ALPK2: variants seen among roughly 807,000 people sequenced by gnomAD.
ALPK2 encodes alpha kinase 2.
A neutral mutation model predicts 163.1 loss-of-function variants in ALPK2; 127 were observed. That is an observed-to-expected ratio of 0.78 (90% CI 0.67 to 0.90). ALPK2 has a LOEUF of 0.90. ALPK2 is among the 40% of genes least tolerant of loss of function. The pLI is 0.00. For missense variants in ALPK2, 2,360 were observed against 2,589.6 expected (o/e 0.91, Z 1.92); for synonymous variants, 953 against 959.1 (o/e 0.99, Z 0.12).
intron 1 of ALPK2, among the ~76,000 whole-genome samples, chr18:58,620,188 G>A (rs1433068747): frequency 6.6e-6 from 1 of 152,200 alleles, no homozygotes; most frequent in Admixed American, 6.5e-5. Flanking sequence ...CTACTTGGGA[G>A]GCCGAGGTAA....
chr18:58,493,607 C>G (rs939794808), intron 12 of ALPK2, among the ~76,000 whole-genome samples: 1 of 152,068 alleles, frequency 6.6e-6, no homozygotes, highest in Non-Finnish European at 1.5e-5. Flanking sequence ...TGGCCAGGAC[C>G]AGAGCTAGGC....
intron 12 of ALPK2, among the ~76,000 whole-genome samples, chr18:58,497,466 G>A (rs952742764): frequency 6.6e-6 from 1 of 152,168 alleles, no homozygotes; most frequent in Non-Finnish European, 1.5e-5. Context: ...TGTGATCATA[G>A]CATCATCTGT....
At chr18:58,507,759 CT>C (rs2051469147) in intron 10 of ALPK2, among the ~76,000 whole-genome samples, 1 of 152,178 alleles carries the variant, frequency 6.6e-6, no homozygotes, top group African/African-American at 2.4e-5. Context: ...TCAAGCTGCC[CT>C]TGTTCATTCC....
intron 3 of ALPK2, among the ~76,000 whole-genome samples, chr18:58,605,722 CAAGGTTGG>C (rs913272563): frequency 1.3e-5 from 2 of 152,180 alleles, no homozygotes; most frequent in Admixed American, 6.5e-5. Flanking sequence ...GAGACCTCGA[CAAGGTTGG>C]AATGAAGAAG....
In ALPK2 at chr18:58,537,063, G is replaced by A. The variant is rs150924110; in HGVS notation, c.3124C>T (p.Arg1042Cys). 16 of 1,614,186 alleles carry A rather than the reference G, an allele frequency of 9.9e-6. No homozygotes were observed. Among genetic ancestry groups the A allele is most frequent in the Non-Finnish European group, 1.1e-5 (13 of 1,180,010 alleles). Residue 1042 changes from arginine (R) to cysteine (C), a missense_variant, in exon 5 of 13, where the codon CGT becomes TGT. Coordinates refer to ENST00000361673, the MANE Select transcript of ALPK2 (RefSeq NM_052947.4). ...HAGGTEERFP[R>C]ASHEKVSQFP... is the part of the protein sequence containing the mutation. Reference sequence around the variant, plus strand: ...TGGGAAACCTTTTCATGGGATGCACGAGGGAACCTCTCCTCAGTGCCACCT... The same window carrying A: ...TGGGAAACCTTTTCATGGGATGCACAAGGGAACCTCTCCTCAGTGCCACCT...
intron 4 of ALPK2, among the ~76,000 whole-genome samples, chr18:58,577,210 T>A (rs2051926622): frequency 6.6e-6 from 1 of 152,352 alleles, no homozygotes; most frequent in East Asian, 1.9e-4. Flanking sequence ...AAGCTGAGGA[T>A]GACAGAGGGG....
rs2051660897 is a variant in ALPK2 at position 58,537,689 on chromosome 18, T to C, written c.2498A>G (p.Gln833Arg). ...TTCCGTATCTACAGAGCAAATTTCT[T>C]GAGGCGAATATTTATCAACTGGTCT... ...VGRPVDKYSP[Q>R]EICSVDTELA... The change falls in exon 5 of 13, where the codon CAA becomes CGA. Residue 833 changes from glutamine to arginine, a missense_variant. By Grantham distance (43) the Gln-to-Arg change is conservative. Transcript: ENST00000361673. 1.2e-6 allele frequency: 2 copies of C among 1,613,988 alleles called. No homozygotes were observed. Among genetic ancestry groups the C allele is most frequent in the East Asian group, 2.2e-5 (1 of 44,882 alleles).
At chr18:58,509,601 T>C (rs1053371039) in intron 10 of ALPK2, among the ~76,000 whole-genome samples, 3 of 151,756 alleles carry the variant, frequency 2.0e-5, no homozygotes, top group African/African-American at 7.2e-5. Context: ...TGGTATCTCA[T>C]TGTGGTTTTG....
intron 10 of ALPK2, among the ~76,000 whole-genome samples, chr18:58,506,120 A>G (rs1346969892): frequency 6.6e-6 from 1 of 152,020 alleles, no homozygotes; most frequent in Non-Finnish European, 1.5e-5. Flanking sequence ...CCTGCCCACC[A>G]TCTCCACGTG....
intron 3 of ALPK2, among the ~76,000 whole-genome samples, chr18:58,599,718 A>G (rs1007656911): frequency 1.3e-5 from 2 of 152,196 alleles, no homozygotes; most frequent in African/African-American, 4.8e-5. Flanking sequence ...TGTTTAAAGC[A>G]CCTGAAATAG....
Position 58,534,859 on chromosome 18 carries a change from C to T in ALPK2, c.5328G>A (p.Lys1776=), listed in dbSNP as rs200361552. Residue 1776 remains lysine, a synonymous_variant, in exon 5 of 13, where the codon AAG becomes AAA. Transcript: ENST00000361673. ...SHTEEKQDPK[K]PSCKREGRAP... ...CTCTTCCTTCTCTTTTGCAAGATGG[C>T]TTTTTTGGGTCTTGTTTCTCTTCTG... is the stretch of plus-strand genomic sequence containing the variant. The T allele has an allele frequency of 6.2e-6, 10 of 1,609,516 alleles. No homozygotes were observed. Among genetic ancestry groups the T allele is most frequent in the African/African-American group, 1.3e-5 (1 of 74,436 alleles).
intron 2 of ALPK2, among the ~76,000 whole-genome samples, chr18:58,607,886 A>G (rs562829072): frequency 6.6e-6 from 1 of 152,308 alleles, no homozygotes; most frequent in Non-Finnish European, 1.5e-5. Flanking sequence ...GTAGGTTTTT[A>G]TCCAATAGAA....
chr18:58,513,615 G>A (rs1850256772), intron 10 of ALPK2, among the ~76,000 whole-genome samples: 2 of 152,152 alleles, frequency 1.3e-5, no homozygotes, highest in Admixed American at 1.3e-4. Context: ...GGTGGCTCAT[G>A]CCTATAACGC....
In ALPK2 at chr18:58,482,073, A is replaced by G. The variant is rs533834881; in HGVS notation, c.6297-34T>C. ...TTGGGTGGAAGGAAACATAGCTTTTAAAAACAGGACACTTTCATCAGTTTA... is the reference window on the plus strand; with the variant it reads ...TTGGGTGGAAGGAAACATAGCTTTTGAAAACAGGACACTTTCATCAGTTTA... On this transcript the variant is annotated intron_variant, in intron 12 of 12. Transcript: ENST00000361673. The G allele has an allele frequency of 5.3e-6, 8 of 1,510,654 alleles. No individual in the cohort carries two copies. In the African/African-American group the frequency reaches 1.1e-4, roughly 21 times the overall value. The allele number at this position is 1,510,654 out of a possible 1,614,324, so 93.6% of individuals were successfully genotyped here. A position where few individuals can be genotyped will look rare whatever the true frequency, so the allele number is the denominator to read the frequency against.
At chr18:58,552,280 T>A (rs1218674103) in intron 4 of ALPK2, among the ~76,000 whole-genome samples, 1 of 152,190 alleles carries the variant, frequency 6.6e-6, no homozygotes, top group Non-Finnish European at 1.5e-5. Flanking sequence ...CGGGGGAATA[T>A]AATTTTTCAC....
Position 58,514,929 on chromosome 18 carries a change from C to T in ALPK2, c.6029+64G>A. 4 of 1,308,830 alleles carry T rather than the reference C, an allele frequency of 3.1e-6. No individual in the cohort carries two copies. The South Asian group carries it at 5.4e-5, about 18-fold the overall frequency. The allele number at this position is 1,308,830 out of a possible 1,614,324, so 81.1% of individuals were successfully genotyped here. A position where few individuals can be genotyped will look rare whatever the true frequency, so the allele number is the denominator to read the frequency against. On this transcript the variant is annotated intron_variant, in intron 10 of 12. Transcript: ENST00000361673. ...ACTTGCCCTACTGTTCCTTCTCACTCTCTCGTCCCTCCTAGTCCCCAACGA... is the reference window on the plus strand; with the variant it reads ...ACTTGCCCTACTGTTCCTTCTCACTTTCTCGTCCCTCCTAGTCCCCAACGA...
chr18:58,611,733 T>C lies in ALPK2; in HGVS notation c.65A>G (p.Lys22Arg). Residue 22 changes from lysine to arginine, a missense_variant, in exon 2 of 13, where the codon AAG becomes AGG. By Grantham distance (26) the Lys-to-Arg change is conservative. Transcript: ENST00000361673. Reference protein sequence around the residue: ...LCFLSTLLSQKVPEKSDAVLR... With the variant: ...LCFLSTLLSQRVPEKSDAVLR... ...CACAGCGTCTGACTTCTCAGGAACC[T>C]TCTGGGAAAGCAATGTAGATAAAAA... The C allele has an allele frequency of 1.2e-6, 2 of 1,613,126 alleles. No homozygotes were observed. Among genetic ancestry groups the C allele is most frequent in the Non-Finnish European group, 1.7e-6 (2 of 1,179,630 alleles).
chr18:58,616,575 G>T (rs1256491520), intron 1 of ALPK2, among the ~76,000 whole-genome samples: 5 of 152,150 alleles, frequency 3.3e-5, no homozygotes, highest in Non-Finnish European at 7.4e-5. Flanking sequence ...GACAGGGTCT[G>T]GGGAGCTTCC....
chr18:58,606,801 G>T (rs866909195), intron 3 of ALPK2, among the ~76,000 whole-genome samples: 1 of 152,030 alleles, frequency 6.6e-6, no homozygotes, highest in East Asian at 1.9e-4. Context: ...GAGTTTCCTG[G>T]TTTTATCCAA....
Sources: gnomAD v4.1 joint callset for allele counts (sites outside exome capture counted in the v4.1 genomes callset) on GRCh38, gnomAD v4.1.1 for gene constraint, MANE v1.5 for transcripts, NCBI Gene and HGNC (gene_info 2026-07-23, HGNC 2026-07-21) for gene names.